Variants in CACNA2D3 observed in about 807,000 individuals in gnomAD.
CACNA2D3 encodes the protein calcium voltage-gated channel auxiliary subunit alpha2delta 3, also known as voltage-dependent calcium channel subunit alpha-2/delta-3.
In CACNA2D3, 60 loss-of-function variants were observed where a neutral mutation model predicts 160.6. The ratio of observed to expected loss-of-function variants is 0.37; its 90% CI spans 0.30 to 0.46. CACNA2D3 has a LOEUF of 0.46. Among genes scored for constraint, CACNA2D3 ranks in the 20% least tolerant of loss-of-function variants. The pLI is 1.00. For synonymous variants in CACNA2D3, 558 were observed against 492.9 expected, an observed-to-expected ratio of 1.13 and a Z score of -1.75; for missense variants, 1,205 against 1,365.0, an observed-to-expected ratio of 0.88 and a Z score of 1.85.
chr3:54,982,863 C>T (rs1416435797), intron 29 of CACNA2D3, among the ~76,000 whole-genome samples: 3 of 152,096 alleles, frequency 2.0e-5, no homozygotes, highest in Non-Finnish European at 4.4e-5. Context: ...GACCAGAGGT[C>T]ACACTCATCG....
intron 2 of CACNA2D3, among the ~76,000 whole-genome samples, chr3:54,269,112 A>G (rs1702570648): frequency 6.6e-6 from 1 of 152,092 alleles, no homozygotes; most frequent in Non-Finnish European, 1.5e-5. Flanking sequence ...GGAAAACAGC[A>G]GTGATTGGAG....
At chr3:54,744,150 G>A (rs62254478) in intron 11 of CACNA2D3, among the ~76,000 whole-genome samples, 2,652 of 152,240 alleles carry the variant, frequency 0.017, 34 homozygotes, top group Non-Finnish European at 0.029. Context: ...GACTATTCTG[G>A]ATCTGAATGT....
At chr3:54,674,544 G>A (rs1243011241) in intron 11 of CACNA2D3, among the ~76,000 whole-genome samples, 2 of 152,138 alleles carry the variant, frequency 1.3e-5, no homozygotes, top group Non-Finnish European at 2.9e-5. Context: ...AGGGTTGTGT[G>A]TTTTTCTCCA....
At chr3:54,423,829 G>A (rs962458322) in intron 4 of CACNA2D3, among the ~76,000 whole-genome samples, 1 of 152,088 alleles carries the variant, frequency 6.6e-6, no homozygotes, top group Non-Finnish European at 1.5e-5. Context: ...GGGAGCACAG[G>A]CTCCATATTC....
At chr3:54,384,619 C>T (rs1047235499) in intron 3 of CACNA2D3, among the ~76,000 whole-genome samples, 37 of 152,174 alleles carry the variant, frequency 2.4e-4, no homozygotes, top group African/African-American at 5.6e-4. Flanking sequence ...GATTGTTCCT[C>T]TTCTTACTTT....
At chr3:54,997,853 A>G (rs1170912603) in intron 31 of CACNA2D3, among the ~76,000 whole-genome samples, 1 of 152,204 alleles carries the variant, frequency 6.6e-6, no homozygotes, top group Non-Finnish European at 1.5e-5. Context: ...GTGAGTTTAC[A>G]TCCAATTTTC....
chr3:54,828,058 T>G (rs1703783181), intron 14 of CACNA2D3, among the ~76,000 whole-genome samples: 1 of 152,242 alleles, frequency 6.6e-6, no homozygotes, highest in African/African-American at 2.4e-5. Flanking sequence ...TAGTGAAGTT[T>G]GAGAACATCT....
At chr3:54,198,417 G>T (rs141381806) in intron 2 of CACNA2D3, among the ~76,000 whole-genome samples, 194 of 152,328 alleles carry the variant, frequency 1.3e-3, no homozygotes, top group African/African-American at 4.4e-3. Flanking sequence ...CCGTGGCCCC[G>T]AATATTTCCG....
intron 2 of CACNA2D3, among the ~76,000 whole-genome samples, chr3:54,142,945 C>T (rs565688185): frequency 6.6e-5 from 10 of 152,298 alleles, no homozygotes; most frequent in African/African-American, 2.4e-4. Context: ...CAGGTATAAG[C>T]CATCCCTCTC....
intron 6 of CACNA2D3, among the ~76,000 whole-genome samples, chr3:54,568,037 G>GTT (rs1281100036): frequency 2.0e-5 from 3 of 152,220 alleles, no homozygotes; most frequent in African/African-American, 7.2e-5. Flanking sequence ...CCATTACACA[G>GTT]TCTCAGACCT....
At chr3:54,247,420 CAG>C (rs1702102532) in intron 2 of CACNA2D3, among the ~76,000 whole-genome samples, 2 of 151,932 alleles carry the variant, frequency 1.3e-5, no homozygotes, top group Admixed American at 6.6e-5. Flanking sequence ...TAAATCAAAA[CAG>C]AAAAATCTTG....
intron 4 of CACNA2D3, among the ~76,000 whole-genome samples, chr3:54,394,748 A>G (rs1327166710): frequency 3.8e-5 from 3 of 79,086 alleles, no homozygotes; most frequent in African/African-American, 1.7e-4. Context: ...AGTCTTTGCT[A>G]TTGTGAATAG....
At chr3:54,425,335 A>G (rs1173285586) in intron 4 of CACNA2D3, among the ~76,000 whole-genome samples, 2 of 144,294 alleles carry the variant, frequency 1.4e-5, no homozygotes, top group Non-Finnish European at 3.0e-5. Context: ...CCATCTCAAA[A>G]CAAACAAACA....
chr3:54,970,210 G>C (rs1282274934), intron 29 of CACNA2D3, among the ~76,000 whole-genome samples: 1 of 152,038 alleles, frequency 6.6e-6, no homozygotes, highest in Admixed American at 6.5e-5. Context: ...CGGTGAAATA[G>C]GTAGGACTTG....
At chr3:54,756,046 A>C (rs1273166032) in intron 12 of CACNA2D3, among the ~76,000 whole-genome samples, 1 of 152,188 alleles carries the variant, frequency 6.6e-6, no homozygotes, top group Non-Finnish European at 1.5e-5. Context: ...AGTTTAGTCA[A>C]CTCAGAGTAT....
intron 4 of CACNA2D3, among the ~76,000 whole-genome samples, chr3:54,400,376 CT>C (rs1699432743): frequency 6.6e-6 from 1 of 152,026 alleles, no homozygotes; most frequent in Non-Finnish European, 1.5e-5. Flanking sequence ...TCATGAAACC[CT>C]GAGCCCACGA....
intron 30 of CACNA2D3, among the ~76,000 whole-genome samples, chr3:54,986,881 C>A (rs1467083030): frequency 6.6e-6 from 1 of 152,204 alleles, no homozygotes; most frequent in Non-Finnish European, 1.5e-5. Flanking sequence ...CGCCCTCCCC[C>A]ATGGGACACC....
chr3:54,521,411 T>G (rs1046326426), intron 5 of CACNA2D3, among the ~76,000 whole-genome samples: 3 of 149,920 alleles, frequency 2.0e-5, no homozygotes, highest in African/African-American at 7.4e-5. Context: ...TATTATGGTG[T>G]TGTAAGAATT....
intron 4 of CACNA2D3, among the ~76,000 whole-genome samples, chr3:54,465,391 A>G (rs1030040491): frequency 7.9e-5 from 12 of 152,126 alleles, no homozygotes; most frequent in African/African-American, 2.4e-4. Context: ...TATAATTGTT[A>G]TTTTTATTAG....
Sources: allele counts gnomAD v4.1 joint callset (sites outside exome capture counted in the v4.1 genomes callset), GRCh38; gene constraint gnomAD v4.1.1; transcripts MANE v1.5; gene names NCBI Gene and HGNC (gene_info 2026-07-23, HGNC 2026-07-21).